Variants in ESYT3 observed in about 807,000 individuals in gnomAD.
ESYT3 encodes extended synaptotagmin 3.
Under a neutral mutation model 111.5 loss-of-function variants are expected in ESYT3, and 101 were observed. That is an observed-to-expected ratio of 0.91 (90% CI 0.77 to 1.07). ESYT3 has a LOEUF of 1.07. ESYT3 is among the 50% of genes least tolerant of loss of function. The probability of loss-of-function intolerance (pLI) is 0.00; values close to 1 mark genes in which losing one functional copy is unlikely to be tolerated. For synonymous variants in ESYT3, 416 were observed against 446.8 expected (o/e 0.93, Z 0.87); for missense variants, 1,097 against 1,109.4 (o/e 0.99, Z 0.16).
intron 16 of ESYT3, 123 bp from the exon 17 acceptor site, chr3:138,470,754 C>T (rs1413321722): frequency 6.5e-7 from 1 of 1,535,604 alleles, no homozygotes; most frequent in Non-Finnish European, 8.7e-7. Context: ...CAGAATAGGA[C>T]CAGATGCCCA....
At chr3:138,442,973 T>C (rs939118063) in intron 1 of ESYT3, among the ~76,000 whole-genome samples, 1 of 152,196 alleles carries the variant, frequency 6.6e-6, no homozygotes, top group African/African-American at 2.4e-5. Context: ...TTCTAGGAAT[T>C]ACCAACCCTA....
chr3:138,446,780 A>G (rs920626940), intron 1 of ESYT3, among the ~76,000 whole-genome samples: 1 of 152,080 alleles, frequency 6.6e-6, no homozygotes, highest in Non-Finnish European at 1.5e-5. Context: ...AGTCTCAGCT[A>G]CTAGGGAGGC....
At chr3:138,461,215 C>T (rs774975495) in intron 7 of ESYT3, among the ~76,000 whole-genome samples, 4 of 152,206 alleles carry the variant, frequency 2.6e-5, no homozygotes, top group African/African-American at 4.8e-5. Flanking sequence ...TTCTTCCTCA[C>T]TGCACCCCTT....
intron 2 of ESYT3, among the ~76,000 whole-genome samples, chr3:138,453,750 G>A (rs530037711): frequency 6.1e-4 from 92 of 151,474 alleles, no homozygotes; most frequent in East Asian, 1.2e-3. Context: ...GCCCAGAGGC[G>A]CTGGGTCCTG....
intron 10 of ESYT3, 56 bp downstream of exon 10, chr3:138,465,477 G>T: frequency 5.7e-6 from 8 of 1,403,454 alleles, no homozygotes; most frequent in Non-Finnish European, 7.9e-6. Flanking sequence ...CCTGCGGGGT[G>T]CTGGGCTAGA....
At chr3:138,461,707 G>T (rs2032650548) in intron 7 of ESYT3, among the ~76,000 whole-genome samples, 1 of 152,238 alleles carries the variant, frequency 6.6e-6, no homozygotes, top group Non-Finnish European at 1.5e-5. Context: ...CTCCAGGTTA[G>T]AGGTGAGGAT....
At position 138,470,055 on chromosome 3, in the gene ESYT3, C is replaced by T. The variant is rs765558794; in HGVS notation, c.1504-5C>T. 7.4e-6 allele frequency: 12 copies of T among 1,611,690 alleles called. No individual in the cohort carries two copies. In the South Asian group the frequency reaches 9.9e-5, roughly 13 times the overall value. ...TTCAATGATCTCTCCCTCTTCTGTT[C>T]CCAGACCTGTCCCCACAACAAGGAC... On this transcript the variant is annotated splice_region_variant and splice_polypyrimidine_tract_variant and intron_variant, in intron 15 of 22. Transcript: ENST00000389567.
In ESYT3 at chr3:138,460,669, A is replaced by G; in HGVS notation, c.794+3A>G. 1.2e-6 allele frequency: 2 copies of G among 1,613,970 alleles called. No individual in the cohort carries two copies. Among genetic ancestry groups the G allele is most frequent in the Non-Finnish European group, 1.7e-6 (2 of 1,179,876 alleles). On this transcript the variant is annotated splice_donor_region_variant and intron_variant, in intron 7 of 22. Transcript: ENST00000389567. The stretch of plus-strand genomic sequence containing the variant: ...CTGCTGGATGCGCCGGGAATCAAGT[A>G]GGTGCCTGGGAGAGCCTCGAGGGAG...
intron 12 of ESYT3, 43 bp from the exon 13 acceptor site, chr3:138,468,612 C>T: frequency 6.2e-7 from 1 of 1,604,388 alleles, no homozygotes; most frequent in Non-Finnish European, 8.5e-7. Flanking sequence ...TCTTTGTGTC[C>T]TGCTGCTGGG....
intron 1 of ESYT3, among the ~76,000 whole-genome samples, chr3:138,445,382 T>C (rs1348148388): frequency 6.6e-6 from 1 of 152,220 alleles, no homozygotes; most frequent in Non-Finnish European, 1.5e-5. Flanking sequence ...GTTGCCCCCA[T>C]TGGGCAGAGT....
At chr3:138,436,013 C>T (rs989738979) in intron 1 of ESYT3, among the ~76,000 whole-genome samples, 4 of 152,128 alleles carry the variant, frequency 2.6e-5, no homozygotes, top group Non-Finnish European at 5.9e-5. Context: ...CGGGGGAGGT[C>T]GCCAGACCCC....
At chr3:138,472,221 C>G in intron 17 of ESYT3, 142 bp from the exon 18 acceptor site, 1 of 1,053,284 alleles carries the variant, frequency 9.5e-7, no homozygotes. Context: ...ATTTGGAACA[C>G]CATATGTATT....
At chr3:138,445,980 G>C (rs2031512333) in intron 1 of ESYT3, among the ~76,000 whole-genome samples, 1 of 152,230 alleles carries the variant, frequency 6.6e-6, no homozygotes, top group Non-Finnish European at 1.5e-5. Flanking sequence ...TTGAGGCTTA[G>C]GCTCAAATCA....
chr3:138,462,613 T>C (rs182357504), intron 8 of ESYT3: 2 of 288,514 alleles, frequency 6.9e-6, no homozygotes, highest in Admixed American at 9.2e-5. Context: ...TTCTATCCCT[T>C]GTTCCCTCCA....
chr3:138,455,770 G>T (rs1428066006), intron 3 of ESYT3, among the ~76,000 whole-genome samples: 1 of 152,204 alleles, frequency 6.6e-6, no homozygotes, highest in East Asian at 1.9e-4. Flanking sequence ...GGCACTCAGT[G>T]TTACAAGTCC....
rs1275510166 is a variant in ESYT3 at position 138,478,025 on chromosome 3, A to T, written c.*1171A>T. Reference sequence around the variant, plus strand: ...CCAAATACTATGCTCTGCTGACTCAAGTCATGTCTCAAACCTATTTCCTCT... The same window carrying T: ...CCAAATACTATGCTCTGCTGACTCATGTCATGTCTCAAACCTATTTCCTCT... On this transcript the variant is annotated 3_prime_UTR_variant, in exon 23 of 23. Coordinates refer to ENST00000389567, the MANE Select transcript of ESYT3 (RefSeq NM_031913.5). 1 of 152,210 alleles carries T rather than the reference A, an allele frequency of 6.6e-6. No homozygotes were observed. The highest frequency in any genetic ancestry group is 2.4e-5 in the African/African-American group (1 of 41,450). 9.4% of individuals were successfully genotyped at this position (152,210 alleles called of 1,614,324 possible).
intron 17 of ESYT3, 33 bp downstream of exon 17, chr3:138,471,059 G>A (rs1334360842): frequency 6.4e-7 from 1 of 1,573,532 alleles, no homozygotes; most frequent in Non-Finnish European, 8.7e-7. Flanking sequence ...GGGAGGGGAG[G>A]AATAGAGCTC....
intron 1 of ESYT3, among the ~76,000 whole-genome samples, chr3:138,444,098 A>C (rs1013159340): frequency 6.6e-5 from 10 of 152,206 alleles, no homozygotes; most frequent in Non-Finnish European, 1.5e-4. Context: ...CTAGCATGGA[A>C]TTCTACTTAG....
chr3:138,446,043 A>G (rs1487543253), intron 1 of ESYT3, among the ~76,000 whole-genome samples: 1 of 152,204 alleles, frequency 6.6e-6, no homozygotes, highest in Non-Finnish European at 1.5e-5. Context: ...TTTAAGTACT[A>G]ACTAGTCTCT....
Sources: gnomAD v4.1 joint callset for allele counts (sites outside exome capture counted in the v4.1 genomes callset) on GRCh38, gnomAD v4.1.1 for gene constraint, MANE v1.5 for transcripts, NCBI Gene and HGNC (gene_info 2026-07-23, HGNC 2026-07-21) for gene names.